The following SLC8A1 variants were observed in gnomAD, a reference collection of about 807,000 sequenced individuals.
SLC8A1 encodes sodium/calcium exchanger 1.
A neutral mutation model predicts 68.3 loss-of-function variants in SLC8A1; 18 were observed. The ratio of observed to expected loss-of-function variants is 0.26; its 90% CI spans 0.18 to 0.39. The LOEUF is 0.39. Ranked by LOEUF, SLC8A1 falls within the 10% of genes least tolerant of loss-of-function variation. The pLI, the probability that SLC8A1 is intolerant of heterozygous loss-of-function variation, is 1.00. For synonymous variants in SLC8A1, 475 were observed against 415.5 expected, an observed-to-expected ratio of 1.14 and a Z score of -1.74; for missense variants, 985 against 1,156.7, an observed-to-expected ratio of 0.85 and a Z score of 2.15.
chr2:40,098,335 A>G (rs546451360), exon 8 of SLC8A1: 1 of 152,170 alleles, frequency 6.6e-6, no homozygotes, highest in East Asian at 1.9e-4. Flanking sequence ...ATAGGAGTCA[A>G]AATTTTTATT....
rs181915561 is a variant in SLC8A1 at position 40,318,949 on chromosome 2, C to G, written c.1808+109524G>C. The stretch of plus-strand genomic sequence containing the variant: ...AGAATTTCTGCAGATGTTACTGTTA[C>G]TAGAATGTGAACAATGATTCTATGG... On this transcript the variant is annotated intron_variant, in intron 2 of 7. Transcript: ENST00000406785. Among the ~76,000 whole-genome samples the G allele has an allele frequency of 5.6e-4, 85 of 152,096 alleles. 1 individual carries two copies. In the East Asian group the frequency reaches 0.015, roughly 27 times the overall value.
chr2:40,429,568 G>A, exon 2 of SLC8A1: 1 of 1,613,678 alleles, frequency 6.2e-7, no homozygotes. Context: ...GAAGAAGAAA[G>A]TAAGCAAACC....
rs1676694206 is a variant in SLC8A1, at chr2:40,367,663, C to T, written c.1808+60810G>A. On this transcript the variant is annotated intron_variant, in intron 2 of 7. Coordinates refer to ENST00000406785, the Ensembl canonical transcript of SLC8A1. ...GCCATCTCATCTAGATGCCTCCAGACTGTCAATGAAATCTGAACATGTGGG... is the reference window on the plus strand; with the variant it reads ...GCCATCTCATCTAGATGCCTCCAGATTGTCAATGAAATCTGAACATGTGGG... Among the ~76,000 whole-genome samples the T allele has an allele frequency of 2.0e-5, 3 of 152,020 alleles. No individual in the cohort carries two copies. In the South Asian group the frequency reaches 6.2e-4, roughly 32 times the overall value.
chr2:40,433,798 G>C (rs767887119), intron 1 of SLC8A1, among the ~76,000 whole-genome samples: 1 of 152,148 alleles, frequency 6.6e-6, no homozygotes, highest in Admixed American at 6.6e-5. Context: ...AGTAATCTTT[G>C]AGAACTATTG....
intron 2 of SLC8A1, among the ~76,000 whole-genome samples, chr2:40,299,662 C>T (rs759326813): frequency 7.2e-5 from 11 of 152,160 alleles, no homozygotes; most frequent in Non-Finnish European, 1.5e-4. Context: ...AATCCTCCCC[C>T]ACCTTCAATG....
intron 2 of SLC8A1, among the ~76,000 whole-genome samples, chr2:40,196,780 A>T (rs1389961180): frequency 6.6e-6 from 1 of 151,994 alleles, no homozygotes; most frequent in African/African-American, 2.4e-5. Context: ...ACACTTTTCC[A>T]TGACGCTTTC....
At chr2:40,297,289 G>GA (rs1296011515) in intron 2 of SLC8A1, among the ~76,000 whole-genome samples, 1 of 152,112 alleles carries the variant, frequency 6.6e-6, no homozygotes, top group Non-Finnish European at 1.5e-5. Flanking sequence ...TCAGGATTTT[G>GA]AAAAAGTTGT....
At chr2:40,358,773 G>A (rs191403855) in intron 2 of SLC8A1, among the ~76,000 whole-genome samples, 1 of 152,234 alleles carries the variant, frequency 6.6e-6, no homozygotes, top group East Asian at 1.9e-4. Flanking sequence ...AAGGTTTTTT[G>A]TCTATTAAAC....
intron 2 of SLC8A1, among the ~76,000 whole-genome samples, chr2:40,401,901 G>A (rs540366739): frequency 2.0e-5 from 3 of 152,210 alleles, no homozygotes; most frequent in East Asian, 1.9e-4. Context: ...ATAAAAAACT[G>A]TAATTGGGTA....
At chr2:40,175,139 C>T (rs2048242516) in intron 3 of SLC8A1, 122 bp downstream of exon 4, 8 of 1,043,234 alleles carry the variant, frequency 7.7e-6, no homozygotes, top group African/African-American at 1.6e-5. Context: ...GTCAATGGCC[C>T]TAAACAACAA....
chr2:40,302,437 T>TTGTG (rs60780425), intron 2 of SLC8A1, among the ~76,000 whole-genome samples: 2,684 of 132,914 alleles, frequency 0.02, 69 homozygotes, highest in African/African-American at 0.062. Context: ...TAGTATTCCA[T>TTGTG]TGTGTGTGTG....
chr2:40,215,360 G>A (rs956330160), intron 2 of SLC8A1, among the ~76,000 whole-genome samples: 3 of 152,032 alleles, frequency 2.0e-5, no homozygotes, highest in South Asian at 4.1e-4. Flanking sequence ...TGTAGAGGCC[G>A]GGCGCAGTGG....
chr2:40,190,286 C>T (rs1276995427), intron 2 of SLC8A1, among the ~76,000 whole-genome samples: 1 of 152,166 alleles, frequency 6.6e-6, no homozygotes, highest in Non-Finnish European at 1.5e-5. Flanking sequence ...ATCTCTCAAT[C>T]CTTAATCACA....
At chr2:40,163,342 G>C (rs2046009917) in intron 5 of SLC8A1, among the ~76,000 whole-genome samples, 1 of 152,174 alleles carries the variant, frequency 6.6e-6, no homozygotes, top group Non-Finnish European at 1.5e-5. Context: ...TCCCATAAGG[G>C]AGAGAACACA....
intron 7 of SLC8A1, 97 bp from the exon 11 acceptor site, chr2:40,115,726 T>A: frequency 6.8e-7 from 1 of 1,463,162 alleles, no homozygotes; most frequent in Non-Finnish European, 9.1e-7. Context: ...ACCCAACCCT[T>A]AATATAAACC....
rs757657095 is a variant in SLC8A1, at chr2:40,139,725, G to A, written c.2162-49C>T. The A allele has an allele frequency of 1.9e-6, 3 of 1,576,792 alleles. No homozygotes were observed. The East Asian group carries it at 6.7e-5, about 35-fold the overall frequency. On this transcript the variant is annotated intron_variant, in intron 6 of 7. Transcript: ENST00000406785. ...ATTTCATCACAACCTGTGTTGCCGGGTCTTCCTCTCTCTCAATCTCTCCTA... is the reference window on the plus strand; with the variant it reads ...ATTTCATCACAACCTGTGTTGCCGGATCTTCCTCTCTCTCAATCTCTCCTA...
intron 2 of SLC8A1, chr2:40,190,845 C>A (rs2051668928): frequency 6.6e-6 from 1 of 152,100 alleles, no homozygotes. Flanking sequence ...TTAGCAGTTG[C>A]CTGTCTCTCC....
intron 1 of SLC8A1, among the ~76,000 whole-genome samples, chr2:40,474,886 C>T (rs1704187229): frequency 6.6e-6 from 1 of 152,058 alleles, no homozygotes; most frequent in African/African-American, 2.4e-5. Context: ...GAGTAATCAT[C>T]TAAGTCTACA....
chr2:40,343,314 T>A (rs544664717), intron 2 of SLC8A1, among the ~76,000 whole-genome samples: 1 of 152,160 alleles, frequency 6.6e-6, no homozygotes, highest in Admixed American at 6.6e-5. Context: ...TATAAACATG[T>A]CTATGAACAT....
Sources: allele counts gnomAD v4.1 joint callset (sites outside exome capture counted in the v4.1 genomes callset), GRCh38; gene constraint gnomAD v4.1.1; transcripts MANE v1.5; gene names NCBI Gene and HGNC (gene_info 2026-07-23, HGNC 2026-07-21).